The following DLG5 variants were observed in gnomAD, a reference collection of about 807,000 sequenced individuals.
DLG5 encodes disks large homolog 5.
A neutral mutation model predicts 189.8 loss-of-function variants in DLG5; 48 were observed. That is an observed-to-expected ratio of 0.25 (90% CI 0.20 to 0.32). The LOEUF is 0.32. Ranked by LOEUF, DLG5 falls within the 10% of genes least tolerant of loss-of-function variation. The pLI is 1.00. For missense variants in DLG5, 2,160 were observed against 2,544.7 expected (o/e 0.85, Z 3.25); for synonymous variants, 1,016 against 1,054.1 (o/e 0.96, Z 0.70).
chr10:77,907,306 C>T (rs574095265), intron 1 of DLG5, among the ~76,000 whole-genome samples: 31 of 152,322 alleles, frequency 2.0e-4, no homozygotes, highest in African/African-American at 5.5e-4. Context: ...TGGGCCGGCG[C>T]GGTGACTCAT....
intron 18 of DLG5, 147 bp downstream of exon 18, chr10:77,817,630 G>C: frequency 1.5e-6 from 1 of 687,426 alleles, no homozygotes; most frequent in Non-Finnish European, 2.4e-6. Flanking sequence ...GAAGGAAGCA[G>C]CCCTTCCCAG....
chr10:77,923,768 A>G (rs1027456687), intron 1 of DLG5, among the ~76,000 whole-genome samples: 17 of 152,192 alleles, frequency 1.1e-4, no homozygotes, highest in African/African-American at 4.1e-4. Flanking sequence ...AAAAAAACAA[A>G]AGCCCCCAAC....
chr10:77,818,034 G>A (rs879307270), intron 17 of DLG5, 145 bp from the exon 18 acceptor site: 13 of 678,022 alleles, frequency 1.9e-5, no homozygotes, highest in African/African-American at 5.4e-5. Context: ...GAGGATAGCA[G>A]GCTGCCCTCA....
intron 30 of DLG5, 47 bp from the exon 31 acceptor site, chr10:77,794,164 GC>G: frequency 1.3e-6 from 2 of 1,553,502 alleles, no homozygotes; most frequent in Non-Finnish European, 1.8e-6. Flanking sequence ...CCTCCTCCAG[GC>G]CCTCTTTCCT....
intron 1 of DLG5, among the ~76,000 whole-genome samples, chr10:77,877,999 G>A (rs1443634455): frequency 2.0e-5 from 3 of 152,212 alleles, no homozygotes; most frequent in Non-Finnish European, 2.9e-5. Flanking sequence ...GTCTGCCCTA[G>A]AATAAACTTC....
rs778740737 is a variant in DLG5 at position 77,821,451 on chromosome 10, T to C, written c.3033A>G (p.Thr1011=). 8 of 1,610,352 alleles carry C rather than the reference T, an allele frequency of 5.0e-6. No individual in the cohort carries two copies. In the East Asian group the frequency reaches 1.6e-4, roughly 32 times the overall value. ...CGCTCCTTCTGGGAGGTTTTGGGGG[T>C]GTCAGAGGCCCCGCCCTCTTGGAGG... is the stretch of plus-strand genomic sequence containing the variant. ...PQPSKRAGPL[T]PPKPPRRSDS... Residue 1011 remains threonine (T), a synonymous_variant, in exon 15 of 32, where the codon ACA becomes ACG. Coordinates refer to ENST00000372391, the MANE Select transcript of DLG5 (RefSeq NM_004747.4).
chr10:77,799,005 C>A (rs1841069286), intron 27 of DLG5, among the ~76,000 whole-genome samples: 1 of 152,062 alleles, frequency 6.6e-6, no homozygotes, highest in Admixed American at 6.6e-5. Context: ...TTAAAAAAAA[C>A]CATATTCTCC....
chr10:77,862,720 C>T (rs1158699552), intron 2 of DLG5, among the ~76,000 whole-genome samples: 2 of 152,182 alleles, frequency 1.3e-5, no homozygotes, highest in African/African-American at 4.8e-5. Context: ...TGGAGTATTA[C>T]TCAGCAATGA....
intron 4 of DLG5, among the ~76,000 whole-genome samples, chr10:77,853,924 T>A (rs1327391120): frequency 6.6e-6 from 1 of 152,220 alleles, no homozygotes; most frequent in Non-Finnish European, 1.5e-5. Context: ...AGGAAGAAGC[T>A]GCAGTAGGGC....
intron 20 of DLG5, among the ~76,000 whole-genome samples, chr10:77,814,771 C>T (rs1841971569): frequency 6.6e-6 from 1 of 151,916 alleles, no homozygotes; most frequent in Non-Finnish European, 1.5e-5. Context: ...GACGGGGTTT[C>T]ACCATGTTGG....
chr10:77,836,007 C>T, intron 7 of DLG5, 85 bp from the exon 8 acceptor site: 2 of 1,436,448 alleles, frequency 1.4e-6, no homozygotes, highest in Non-Finnish European at 1.9e-6. Context: ...GGGGCCAAGG[C>T]TGAGGCTCTA....
intron 1 of DLG5, among the ~76,000 whole-genome samples, chr10:77,907,243 CT>C (rs963760270): frequency 2.6e-4 from 39 of 152,140 alleles, no homozygotes; most frequent in African/African-American, 9.2e-4. Flanking sequence ...TCCTGCCCCC[CT>C]ATGCCACTTA....
intron 13 of DLG5, among the ~76,000 whole-genome samples, chr10:77,826,879 C>T (rs1365331545): frequency 2.0e-5 from 3 of 152,034 alleles, no homozygotes; most frequent in African/African-American, 2.4e-5. Context: ...ACCTGGGAGG[C>T]GGAGGCTACA....
intron 1 of DLG5, among the ~76,000 whole-genome samples, chr10:77,881,508 T>C (rs956757478): frequency 1.1e-4 from 16 of 152,222 alleles, no homozygotes; most frequent in African/African-American, 2.4e-4. Context: ...CCTCTAGTCC[T>C]GGCTTCAACC....
In DLG5 at chr10:77,926,326, C is replaced by T. The variant is rs531293409; in HGVS notation, c.195G>A (p.Arg65=). The change falls in exon 1 of 32, where the codon CGG becomes CGA. Residue 65 remains arginine, a synonymous_variant. Transcript: ENST00000372391. This position sits in a 1 kb window ranked among gnomAD's most constrained non-coding sequence, Gnocchi z 5.2. Reference sequence around the variant, plus strand: ...CCGCCCGCAGGTCCTGGAAGTGGTCCCGCTCCTTGGCCAAGAGCAGCTTGA... The same window carrying T: ...CCGCCCGCAGGTCCTGGAAGTGGTCTCGCTCCTTGGCCAAGAGCAGCTTGA... ...LLLKLLLAKE[R]DHFQDLRAAL... 6.9e-6 allele frequency: 11 copies of T among 1,603,748 alleles called. No homozygotes were observed. The South Asian group carries it at 1.2e-4, about 18-fold the overall frequency.
intron 9 of DLG5, among the ~76,000 whole-genome samples, chr10:77,832,171 G>A (rs1842920459): frequency 6.6e-6 from 1 of 152,102 alleles, no homozygotes; most frequent in African/African-American, 2.4e-5. Context: ...CTATACCACT[G>A]CACTCTAGCC....
At chr10:77,828,331 CA>C (rs1372461213) in intron 13 of DLG5, among the ~76,000 whole-genome samples, 26 of 151,924 alleles carry the variant, frequency 1.7e-4, no homozygotes, top group Middle Eastern at 3.4e-3. Flanking sequence ...ACTAAAAGTA[CA>C]AAAATTAGCC....
chr10:77,873,031 G>GCGCA (rs1554826889), intron 1 of DLG5, among the ~76,000 whole-genome samples: 1,556 of 45,480 alleles, frequency 0.034, 26 homozygotes, highest in African/African-American at 0.075. Context: ...GTGTGTGTGT[G>GCGCA]CACACACACA....
chr10:77,796,102 C>A lies in DLG5; in HGVS notation c.5395G>T (p.Asp1799Tyr). 6.2e-7 allele frequency: 1 copy of A among 1,614,192 alleles called. No homozygotes were observed. The highest frequency in any genetic ancestry group is 8.5e-7 in the Non-Finnish European group (1 of 1,180,030). The change falls in exon 29 of 32, where the codon GAT becomes TAT. Residue 1799 changes from aspartate to tyrosine, a missense_variant. By Grantham distance (160) the Asp-to-Tyr change is radical. Transcript: ENST00000372391. The surrounding 1 kb of genome is among the most constrained non-coding windows in gnomAD (Gnocchi z 5.2). The part of the protein sequence containing the change: ...VDYKRRSGHF[D>Y]VTTVASIKEI... ...TTTATTGACGCCACAGTGGTCACAT[C>A]GAAATGGCCGCTTCTCCGCTTATAG...
Sources: gnomAD v4.1 joint callset for allele counts (sites outside exome capture counted in the v4.1 genomes callset) on GRCh38, gnomAD v4.1.1 for gene constraint, Gnocchi (gnomAD v3.1) non-coding constraint, MANE v1.5 for transcripts, NCBI Gene and HGNC (gene_info 2026-07-23, HGNC 2026-07-21) for gene names.